Variants in UBE2V1 observed in about 807,000 individuals in gnomAD.
UBE2V1 encodes ubiquitin-conjugating enzyme E2 variant 1.
UBE2V1 carries 15 observed loss-of-function variants against 19.6 expected under a neutral mutation model. That is an observed-to-expected ratio of 0.77 (90% CI 0.51 to 1.18). The LOEUF (loss-of-function observed/expected upper bound fraction) is 1.18. UBE2V1 is among the 50% of genes most tolerant of loss of function. The probability of loss-of-function intolerance (pLI) is 0.00; values close to 1 mark genes in which losing one functional copy is unlikely to be tolerated. For missense variants in UBE2V1, 125 were observed against 184.8 expected (o/e 0.68, Z 1.88); for synonymous variants, 60 against 60.7 (o/e 0.99, Z 0.05).
chr20:50,084,564 G>A, intron 2 of UBE2V1: 2 of 492,824 alleles, frequency 4.1e-6, no homozygotes, highest in Admixed American at 2.3e-5. Flanking sequence ...CTTCTCTGGG[G>A]AATGGTAAGA....
chr20:50,083,357 C>T (rs1331129217), intron 3 of UBE2V1, among the ~76,000 whole-genome samples: 1 of 152,224 alleles, frequency 6.6e-6, no homozygotes, highest in Non-Finnish European at 1.5e-5. Context: ...AGAGCCAGCA[C>T]CTCTCAGGTT....
chr20:50,113,166 A>T, upstream of UBE2V1: 7 of 1,116,672 alleles, frequency 6.3e-6, no homozygotes, highest in Non-Finnish European at 6.8e-6. Context: ...CCCCTTCTTC[A>T]CCCCCCCCTT....
intron 2 of UBE2V1, among the ~76,000 whole-genome samples, chr20:50,091,409 G>GTTTTTT: frequency 7.8e-6 from 1 of 128,246 alleles, no homozygotes; most frequent in African/African-American, 3.4e-5. Context: ...ATAACTTAAG[G>GTTTTTT]CTTTTTTTTT....
intron 1 of UBE2V1, chr20:50,108,958 T>A: frequency 1.0e-6 from 1 of 985,380 alleles, no homozygotes; most frequent in South Asian, 4.7e-5. Context: ...GAAGAACATA[T>A]CCCTAAATCC....
Position 50,081,635 on chromosome 20 carries a change from T to C in UBE2V1, c.*1133A>G, listed in dbSNP as rs1265745096. 1 of 165,348 alleles carries C rather than the reference T, an allele frequency of 6.0e-6. No homozygotes were observed. Among genetic ancestry groups the C allele is most frequent in the Non-Finnish European group, 1.3e-5 (1 of 76,508 alleles). The allele number at this position is 165,348 out of a possible 1,614,324, so 10.2% of individuals were successfully genotyped here. A position where few individuals can be genotyped will look rare whatever the true frequency, so the allele number is the denominator to read the frequency against. On this transcript the variant is annotated 3_prime_UTR_variant, in exon 4 of 4. Transcript: ENST00000371674. The stretch of plus-strand genomic sequence containing the variant: ...ACTAGACCCCAATGGATTGCAAGGA[T>C]GACCAAATGAAAGCCCTGTTTAAAA...
intron 1 of UBE2V1, among the ~76,000 whole-genome samples, chr20:50,099,608 C>A (rs1262410468): frequency 6.6e-6 from 1 of 152,164 alleles, no homozygotes; most frequent in Non-Finnish European, 1.5e-5. Context: ...CTACCCAGGG[C>A]CTGTGCGACT....
chr20:50,089,585 CAG>C (rs2079107331), intron 2 of UBE2V1, among the ~76,000 whole-genome samples: 1 of 152,176 alleles, frequency 6.6e-6, no homozygotes, highest in African/African-American at 2.4e-5. Context: ...GCATCCAAAG[CAG>C]AGTGGAGAGA....
chr20:50,084,184 A>G lies in UBE2V1; in HGVS notation c.242T>C (p.Phe81Ser). 6 of 1,609,302 alleles carry G rather than the reference A, an allele frequency of 3.7e-6. No individual in the cohort carries two copies. Among genetic ancestry groups the G allele is most frequent in the Non-Finnish European group, 5.1e-6 (6 of 1,178,706 alleles). Residue 81 changes from phenylalanine to serine, a missense_variant, in exon 3 of 4, where the codon TTT becomes TCT. Physicochemically the swap from Phe to Ser is radical, Grantham distance 155. This residue lies in a region of UBE2V1 where 78 missense variants were observed against 108.8 expected (regional missense o/e 0.72). Coordinates refer to ENST00000371674, the MANE Select transcript of UBE2V1 (RefSeq NM_001032288.3). ...ATTAATTTTTGTTACAAATCTTACAAAGGGGGGTGCTTCTGGGTATTTAGG... is the reference window on the plus strand; with the variant it reads ...ATTAATTTTTGTTACAAATCTTACAGAGGGGGGTGCTTCTGGGTATTTAGG... ...CGPKYPEAPP[F>S]VRFVTKINMN...
At position 50,096,762 on chromosome 20, in the gene UBE2V1, T is replaced by G. The variant is rs762924417; in HGVS notation, c.81A>C (p.Gly27=). 6.2e-6 allele frequency: 10 copies of G among 1,614,072 alleles called. No individual in the cohort carries two copies. The highest frequency in any genetic ancestry group is 8.5e-6 in the Non-Finnish European group (10 of 1,180,020). The change falls in exon 2 of 4, where the codon GGA becomes GGC. Residue 27 remains glycine, a synonymous_variant. Transcript: ENST00000371674. ...CCCAGCTAACTGTGCCATCTCCTAC[T>G]CCTTTCTGGCCTTCTTCGAGTTCTT... ...LLEELEEGQK[G]VGDGTVSWGL... is the part of the protein sequence containing the mutation.
intron 2 of UBE2V1, among the ~76,000 whole-genome samples, chr20:50,084,982 C>T (rs534030097): frequency 1.5e-4 from 22 of 150,660 alleles, no homozygotes; most frequent in Middle Eastern, 3.5e-3. Context: ...CCGCAACCTC[C>T]GCCTCCCGGG....
At chr20:50,087,948 A>G (rs1346449923) in intron 2 of UBE2V1, among the ~76,000 whole-genome samples, 1 of 152,164 alleles carries the variant, frequency 6.6e-6, no homozygotes, top group Admixed American at 6.5e-5. Flanking sequence ...TGTATAGCCT[A>G]TAAAAGCAGA....
chr20:50,084,007 A>C, intron 3 of UBE2V1, 122 bp downstream of exon 3: 1 of 1,459,964 alleles, frequency 6.8e-7, no homozygotes, highest in South Asian at 1.4e-5. Flanking sequence ...ATGCACAGTG[A>C]TACAGTTTAT....
At chr20:50,099,394 AGAT>A (rs1219155316) in intron 1 of UBE2V1, among the ~76,000 whole-genome samples, 1 of 152,248 alleles carries the variant, frequency 6.6e-6, no homozygotes, top group Non-Finnish European at 1.5e-5. Flanking sequence ...AAACTCATAT[AGAT>A]GATAAGTGAC....
chr20:50,084,617 C>G (rs1474649619), intron 2 of UBE2V1: 2 of 455,366 alleles, frequency 4.4e-6, no homozygotes, highest in East Asian at 1.4e-4. Flanking sequence ...GTCCACTCAC[C>G]AGGATCATCA....
At chr20:50,111,806 C>T (rs1288487816) in intron 1 of UBE2V1, among the ~76,000 whole-genome samples, 3 of 152,218 alleles carry the variant, frequency 2.0e-5, no homozygotes, top group East Asian at 1.9e-4. Flanking sequence ...CTTCCCAACA[C>T]TGCCGCTGCT....
chr20:50,112,552 T>C (rs1258691247), intron 1 of UBE2V1, among the ~76,000 whole-genome samples: 1 of 152,162 alleles, frequency 6.6e-6, no homozygotes, highest in African/African-American at 2.4e-5. Context: ...TTTCCTCAGC[T>C]AACCCCATCT....
chr20:50,091,253 G>C (rs1467479915), intron 2 of UBE2V1, among the ~76,000 whole-genome samples: 1 of 151,804 alleles, frequency 6.6e-6, no homozygotes, highest in Non-Finnish European at 1.5e-5. Flanking sequence ...CAACATGTTG[G>C]CCAGGCTGGT....
At chr20:50,084,303 C>A in intron 2 of UBE2V1, 49 bp from the exon 3 acceptor site, 4 of 1,608,998 alleles carry the variant, frequency 2.5e-6, no homozygotes, top group Non-Finnish European at 3.4e-6. Context: ...ACAAAGCATT[C>A]AAAAAGGTAG....
chr20:50,091,265 T>C (rs2079204550), intron 2 of UBE2V1, among the ~76,000 whole-genome samples: 1 of 152,078 alleles, frequency 6.6e-6, no homozygotes, highest in Admixed American at 6.6e-5. Context: ...CAGGCTGGTC[T>C]CGACTCCTGA....
Sources: gnomAD v4.1 joint callset for allele counts (sites outside exome capture counted in the v4.1 genomes callset) on GRCh38, gnomAD v4.1.1 for gene constraint, gnomAD v4.1.1 regional missense constraint, MANE v1.5 for transcripts, NCBI Gene and HGNC (gene_info 2026-07-23, HGNC 2026-07-21) for gene names.